OPCML: variants seen among roughly 807,000 people sequenced by gnomAD.
OPCML encodes the protein opioid binding protein/cell adhesion molecule like, also known as opioid-binding protein/cell adhesion molecule.
In OPCML, 13 loss-of-function variants were observed where a neutral mutation model predicts 37.8. The observed-to-expected ratio is 0.34, with a 90% CI of 0.22 to 0.55. OPCML has a LOEUF of 0.55. Ranked by LOEUF, OPCML falls within the 20% of genes least tolerant of loss-of-function variation. OPCML has a pLI of 0.91. For missense variants in OPCML, 341 were observed against 435.6 expected, an observed-to-expected ratio of 0.78 and a Z score of 1.93; for synonymous variants, 176 against 168.8, an observed-to-expected ratio of 1.04 and a Z score of -0.33.
intron 1 of OPCML, among the ~76,000 whole-genome samples, chr11:133,230,787 C>T (rs572673205): frequency 6.6e-5 from 10 of 152,304 alleles, no homozygotes; most frequent in African/African-American, 1.4e-4. Flanking sequence ...TGTCTACTTT[C>T]GCAAAGTGCC....
chr11:133,213,631 C>T (rs1206660329), intron 1 of OPCML, among the ~76,000 whole-genome samples: 1 of 152,132 alleles, frequency 6.6e-6, no homozygotes, highest in East Asian at 1.9e-4. Context: ...TAAAAAACTC[C>T]TTACTGACTA....
rs147633330 is a variant in OPCML, at chr11:133,302,929, C to T, written c.61+229335G>A. ...CACAAACCTCTTCCTTTCTCTAATG[C>T]TACTGAATTAAATCAACATAGGAAT... On this transcript the variant is annotated intron_variant, in intron 1 of 7. Coordinates refer to ENST00000524381, the MANE Select transcript of OPCML (RefSeq NM_001012393.5). Among the ~76,000 whole-genome samples, 617 of 152,226 alleles carry T rather than the reference C, an allele frequency of 4.1e-3. 6 individuals carry two copies. Among genetic ancestry groups the T allele is most frequent in the Middle Eastern group, 0.01 (3 of 294 alleles).
chr11:132,613,872 G>A (rs1279624342), intron 3 of OPCML, among the ~76,000 whole-genome samples: 3 of 152,048 alleles, frequency 2.0e-5, no homozygotes, highest in Admixed American at 2.0e-4. Flanking sequence ...GAACAAAAGA[G>A]TCGTCTTTTG....
At chr11:133,446,152 C>T (rs756675473) in intron 1 of OPCML, among the ~76,000 whole-genome samples, 3 of 152,166 alleles carry the variant, frequency 2.0e-5, no homozygotes, top group Non-Finnish European at 4.4e-5. Flanking sequence ...GACAATGTCA[C>T]TCTGAACTAC....
chr11:132,834,855 C>T (rs1477043533), intron 2 of OPCML, among the ~76,000 whole-genome samples: 3 of 152,040 alleles, frequency 2.0e-5, no homozygotes, highest in Non-Finnish European at 2.9e-5. Flanking sequence ...GTAGCTGAAA[C>T]ATTTAGCAGT....
intron 1 of OPCML, among the ~76,000 whole-genome samples, chr11:133,423,766 G>C (rs1291728422): frequency 1.3e-5 from 2 of 152,250 alleles, no homozygotes; most frequent in East Asian, 3.9e-4. Context: ...GGATCATGGG[G>C]ACAGATCCCT....
chr11:132,576,801 T>C (rs532610560), intron 3 of OPCML, among the ~76,000 whole-genome samples: 3 of 152,248 alleles, frequency 2.0e-5, no homozygotes, highest in African/African-American at 7.2e-5. Context: ...TACTAACTCT[T>C]TCCCTCCCTA....
At chr11:132,441,617 C>G (rs955436031) in intron 4 of OPCML, among the ~76,000 whole-genome samples, 6 of 152,104 alleles carry the variant, frequency 3.9e-5, no homozygotes, top group African/African-American at 1.4e-4. Context: ...TCTAAGCACT[C>G]CAGCATCCCA....
intron 2 of OPCML, among the ~76,000 whole-genome samples, chr11:132,876,890 A>G (rs1360592533): frequency 6.6e-6 from 1 of 152,238 alleles, no homozygotes; most frequent in African/African-American, 2.4e-5. Flanking sequence ...GGTAAGGCTC[A>G]GGAGGGGCAT....
chr11:132,452,951 C>T (rs914731637), intron 4 of OPCML, among the ~76,000 whole-genome samples: 11 of 152,120 alleles, frequency 7.2e-5, no homozygotes, highest in African/African-American at 2.7e-4. Flanking sequence ...ACATATCTGA[C>T]CTTGCTTATA....
chr11:132,948,987 A>C (rs1473772564), intron 1 of OPCML, among the ~76,000 whole-genome samples: 2 of 152,212 alleles, frequency 1.3e-5, no homozygotes, highest in African/African-American at 4.8e-5. Flanking sequence ...TAGCCAGAGA[A>C]AAGTAATTAT....
chr11:132,569,591 G>T (rs1485780370), intron 3 of OPCML, among the ~76,000 whole-genome samples: 2 of 152,130 alleles, frequency 1.3e-5, no homozygotes, highest in Non-Finnish European at 2.9e-5. Context: ...TCATAATGTG[G>T]CAGTAGGGGG....
chr11:133,079,735 C>A (rs1948679686), intron 1 of OPCML, among the ~76,000 whole-genome samples: 1 of 151,922 alleles, frequency 6.6e-6, no homozygotes, highest in Non-Finnish European at 1.5e-5. Flanking sequence ...TTCACCACCC[C>A]CTCCACTTCC....
chr11:132,871,593 C>T (rs1030143421), intron 2 of OPCML, among the ~76,000 whole-genome samples: 1 of 152,162 alleles, frequency 6.6e-6, no homozygotes, highest in Non-Finnish European at 1.5e-5. Flanking sequence ...CGGCATAGCA[C>T]TAAATAGATG....
intron 1 of OPCML, among the ~76,000 whole-genome samples, chr11:133,094,556 C>A (rs1317302611): frequency 1.3e-5 from 2 of 152,116 alleles, no homozygotes; most frequent in Non-Finnish European, 2.9e-5. Flanking sequence ...AAAATTTGCT[C>A]AGAAGCATTT....
chr11:133,281,037 G>T (rs558240121), intron 1 of OPCML, among the ~76,000 whole-genome samples: 2 of 152,266 alleles, frequency 1.3e-5, no homozygotes, highest in East Asian at 1.9e-4. Flanking sequence ...TGGAGAAATT[G>T]TCTGAATAAG....
At chr11:132,984,859 C>T (rs577837303) in intron 1 of OPCML, among the ~76,000 whole-genome samples, 1 of 152,268 alleles carries the variant, frequency 6.6e-6, no homozygotes, top group East Asian at 1.9e-4. Context: ...CCCTGCCGCC[C>T]GCTTCCTCTG....
At chr11:133,183,784 A>G (rs1026237876) in intron 1 of OPCML, among the ~76,000 whole-genome samples, 3 of 152,230 alleles carry the variant, frequency 2.0e-5, no homozygotes, top group African/African-American at 7.2e-5. Context: ...GTTTAGTGCC[A>G]ACATGAACTA....
At chr11:132,801,958 G>T (rs953443615) in intron 2 of OPCML, among the ~76,000 whole-genome samples, 15 of 152,070 alleles carry the variant, frequency 9.9e-5, no homozygotes, top group African/African-American at 3.6e-4. Context: ...CCCAAATGCT[G>T]CTCTTGATTT....
Sources: gnomAD v4.1 joint callset for allele counts (sites outside exome capture counted in the v4.1 genomes callset) on GRCh38, gnomAD v4.1.1 for gene constraint, MANE v1.5 for transcripts, NCBI Gene and HGNC (gene_info 2026-07-23, HGNC 2026-07-21) for gene names.